Variants in TMEM192 observed in about 807,000 individuals in gnomAD.
TMEM192 encodes the protein transmembrane protein 192.
In TMEM192, 20 loss-of-function variants were observed where a neutral mutation model predicts 26.7. The ratio of observed to expected loss-of-function variants is 0.75; its 90% CI spans 0.53 to 1.09. The LOEUF (loss-of-function observed/expected upper bound fraction) is 1.09, where lower values mean the gene tolerates loss of function less well. Ranked by LOEUF, TMEM192 falls within the 50% of genes least tolerant of loss-of-function variation. The pLI, the probability that TMEM192 is intolerant of heterozygous loss-of-function variation, is 0.00. For synonymous variants in TMEM192, 124 were observed against 121.0 expected (o/e 1.02, Z -0.16); for missense variants, 304 against 322.6 (o/e 0.94, Z 0.44).
intron 5 of TMEM192, among the ~76,000 whole-genome samples, chr4:165,081,853 G>A (rs1355987291): frequency 2.7e-5 from 1 of 36,864 alleles, no homozygotes; most frequent in African/African-American, 4.9e-5. Flanking sequence ...TAGTAGAGAC[G>A]GGGTTTCACC....
chr4:165,095,625 C>G (rs78150744), intron 3 of TMEM192, among the ~76,000 whole-genome samples: 2,311 of 152,260 alleles, frequency 0.015, 41 homozygotes, highest in African/African-American at 0.04. Flanking sequence ...TCCTCAGCCT[C>G]TGGCTTTACA....
chr4:165,096,345 C>T (rs938200051), intron 3 of TMEM192, among the ~76,000 whole-genome samples: 12 of 151,728 alleles, frequency 7.9e-5, no homozygotes, highest in African/African-American at 2.9e-4. Flanking sequence ...GCAGAGGTTG[C>T]AGTTAGCTGA....
intron 3 of TMEM192, among the ~76,000 whole-genome samples, chr4:165,099,102 CTTTTT>C: frequency 7.9e-6 from 1 of 126,222 alleles, no homozygotes; most frequent in East Asian, 2.3e-4. Context: ...TTTTTTCTTT[CTTTTT>C]TTTTTTTTTT....
chr4:165,091,209 A>C (rs1024968557), intron 3 of TMEM192, among the ~76,000 whole-genome samples: 1 of 152,096 alleles, frequency 6.6e-6, no homozygotes, highest in Non-Finnish European at 1.5e-5. Context: ...CGGAGCTTGC[A>C]GTGAGCTGAG....
In TMEM192 at chr4:165,071,066, G is replaced by A. The variant is rs1734265010; in HGVS notation, c.*8592C>T. On this transcript the variant is annotated 3_prime_UTR_variant, in exon 6 of 6. Transcript: ENST00000306480. ...CAGGGGAATCATTGCAAGACCTCAG[G>A]TGATGCCTGGAGCCACAGATAGTAC... 6.6e-6 allele frequency: 1 copy of A among 152,084 alleles called. No individual in the cohort carries two copies. The highest frequency in any genetic ancestry group is 2.4e-5 in the African/African-American group (1 of 41,394). The allele number at this position is 152,084 out of a possible 1,614,324, so 9.4% of individuals were successfully genotyped here.
chr4:165,072,792 T>C lies in TMEM192; in HGVS notation c.*6866A>G, dbSNP rs1734299861. ...GGCAGATAGCTCAGCTGGGGACATG[T>C]TCTGTTTGAGGTGTTTTTTTATATA... On this transcript the variant is annotated 3_prime_UTR_variant, in exon 6 of 6. Coordinates refer to ENST00000306480, the MANE Select transcript of TMEM192 (RefSeq NM_001100389.2). 1 of 152,012 alleles carries C rather than the reference T, an allele frequency of 6.6e-6. No homozygotes were observed. The highest frequency in any genetic ancestry group is 2.4e-5 in the African/African-American group (1 of 41,366). 9.4% of individuals were successfully genotyped at this position (152,012 alleles called of 1,614,324 possible). A position where few individuals can be genotyped will look rare whatever the true frequency, so the allele number is the denominator to read the frequency against.
chr4:165,111,748 C>T (rs1263125210), intron 1 of TMEM192: 1 of 152,198 alleles, frequency 6.6e-6, no homozygotes, highest in Non-Finnish European at 1.5e-5. Flanking sequence ...GATTATTTAA[C>T]TGGTTACTGC....
intron 3 of TMEM192, among the ~76,000 whole-genome samples, chr4:165,090,311 G>C (rs113307875): frequency 1.3e-5 from 2 of 149,584 alleles, no homozygotes; most frequent in African/African-American, 4.9e-5. Context: ...TGAACCCGGG[G>C]GGCAGAGTTT....
At chr4:165,091,708 TAATGGCCCATAATACAACTATATA>T (rs1734768056) in intron 3 of TMEM192, among the ~76,000 whole-genome samples, 1 of 152,164 alleles carries the variant, frequency 6.6e-6, no homozygotes, top group Admixed American at 6.6e-5. Flanking sequence ...TAAGAGTTAA[TAATGGCCCATAATACAACTATATA>T]AAAACCTGGA....
chr4:165,090,910 C>CAAAAAAAAAAAA lies in TMEM192; in HGVS notation c.440-2320_440-2309dup, dbSNP rs70952700. 2.8e-3 allele frequency among the ~76,000 whole-genome samples: 144 copies of CAAAAAAAAAAAA among 50,930 alleles called. 16 individuals carry two copies. The highest frequency in any genetic ancestry group is 6.9e-3 in the African/African-American group (88 of 12,814). The allele number at this position is 50,930 out of a possible 152,430, so 33.4% of individuals were successfully genotyped here. A position where few individuals can be genotyped will look rare whatever the true frequency, so the allele number is the denominator to read the frequency against. ...TGGGCGACGGAGAGAGACTCTGTCT[C>CAAAAAAAAAAAA]AAAAAAAAAAAAAAAAAAAGGTCAT... On this transcript the variant is annotated intron_variant, in intron 3 of 5. Coordinates refer to ENST00000306480, the MANE Select transcript of TMEM192 (RefSeq NM_001100389.2).
In TMEM192 at chr4:165,077,193, C is replaced by T. The variant is rs1047206853; in HGVS notation, c.*2465G>A. On this transcript the variant is annotated 3_prime_UTR_variant, in exon 6 of 6. Coordinates refer to ENST00000306480, the MANE Select transcript of TMEM192 (RefSeq NM_001100389.2). ...AAAATGTTGATGATTATACAACAAA[C>T]ATGTTGATGATTACATAAGAACATA... The T allele has an allele frequency of 1.3e-5, 2 of 152,186 alleles. No individual in the cohort carries two copies. Among genetic ancestry groups the T allele is most frequent in the Non-Finnish European group, 2.9e-5 (2 of 68,034 alleles). The allele number at this position is 152,186 out of a possible 1,614,324, so 9.4% of individuals were successfully genotyped here.
intron 3 of TMEM192, among the ~76,000 whole-genome samples, chr4:165,099,679 A>G (rs1734993075): frequency 6.6e-6 from 1 of 152,198 alleles, no homozygotes; most frequent in African/African-American, 2.4e-5. Context: ...GGACTGGCTC[A>G]CACCTGTAAT....
chr4:165,081,741 C>T lies in TMEM192; in HGVS notation c.678-1945G>A, dbSNP rs113112205. ...AGGCTGGAGTGCAATGGCGCAATCT[C>T]GGCTCACTGCAACCTCTGCCTCCCC... On this transcript the variant is annotated intron_variant, in intron 5 of 5. Transcript: ENST00000306480. Among the ~76,000 whole-genome samples, 4 of 36,704 alleles carry T rather than the reference C, an allele frequency of 1.1e-4. 2 individuals are homozygous for T. Among genetic ancestry groups the T allele is most frequent in the Non-Finnish European group, 4.0e-4 (4 of 9,978 alleles). The allele number at this position is 36,704 out of a possible 152,430, so 24.1% of individuals were successfully genotyped here.
intron 5 of TMEM192, among the ~76,000 whole-genome samples, chr4:165,084,794 T>C (rs1380607720): frequency 6.6e-6 from 1 of 151,710 alleles, no homozygotes; most frequent in East Asian, 2.0e-4. Context: ...ACATCTACTT[T>C]AGCCCCAAGA....
chr4:165,080,123 T>C (rs932144354), intron 5 of TMEM192, among the ~76,000 whole-genome samples: 3 of 152,182 alleles, frequency 2.0e-5, no homozygotes, highest in African/African-American at 7.2e-5. Context: ...CGTTTAAAGA[T>C]AAATAAAGGC....
intron 5 of TMEM192, among the ~76,000 whole-genome samples, chr4:165,083,965 G>A (rs1734548652): frequency 6.6e-6 from 1 of 150,446 alleles, no homozygotes. Flanking sequence ...GGGACTACAG[G>A]TGTGCATCAC....
At chr4:165,111,758 C>T (rs545550732) in intron 1 of TMEM192, 81 of 152,308 alleles carry the variant, frequency 5.3e-4, no homozygotes, top group African/African-American at 1.8e-3. Context: ...CTGGTTACTG[C>T]ACAAGAATCT....
At chr4:165,080,996 T>G (rs1734505750) in intron 5 of TMEM192, among the ~76,000 whole-genome samples, 1 of 152,152 alleles carries the variant, frequency 6.6e-6, no homozygotes, top group African/African-American at 2.4e-5. Context: ...ATTACAGGTG[T>G]GAGCCACCGC....
chr4:165,106,888 A>G (rs957640179), intron 1 of TMEM192, among the ~76,000 whole-genome samples: 5 of 152,122 alleles, frequency 3.3e-5, no homozygotes, highest in Non-Finnish European at 7.3e-5. Flanking sequence ...CCCTTTTTAT[A>G]TATACATATA....
Sources: gnomAD v4.1 joint callset for allele counts (sites outside exome capture counted in the v4.1 genomes callset) on GRCh38, gnomAD v4.1.1 for gene constraint, MANE v1.5 for transcripts, NCBI Gene and HGNC (gene_info 2026-07-23, HGNC 2026-07-21) for gene names.